The following NRXN3 variants were observed in gnomAD, a reference collection of about 807,000 sequenced individuals.
The protein encoded by NRXN3 is neurexin 3.
In NRXN3, 32 loss-of-function variants were observed where a neutral mutation model predicts 137.6. The ratio of observed to expected loss-of-function variants is 0.23; its 90% CI spans 0.18 to 0.31. The LOEUF (loss-of-function observed/expected upper bound fraction) is 0.31. NRXN3 is among the 10% of genes least tolerant of loss of function. The probability of loss-of-function intolerance (pLI) is 1.00; values close to 1 mark genes in which losing one functional copy is unlikely to be tolerated. For synonymous variants in NRXN3, 798 were observed against 784.5 expected (o/e 1.02, Z -0.29); for missense variants, 1,574 against 2,062.5 (o/e 0.76, Z 4.59).
At chr14:78,465,846 T>A (rs546672554) in intron 4 of NRXN3, among the ~76,000 whole-genome samples, 48 of 151,480 alleles carry the variant, frequency 3.2e-4, no homozygotes, top group Middle Eastern at 3.4e-3. Flanking sequence ...GGTATTTTTT[T>A]AAATTTTTAT....
chr14:79,434,738 G>A (rs2095816698), intron 15 of NRXN3, among the ~76,000 whole-genome samples: 1 of 152,204 alleles, frequency 6.6e-6, no homozygotes, highest in African/African-American at 2.4e-5. Flanking sequence ...ATGAAAGTGA[G>A]GGAAGCAGGC....
intron 16 of NRXN3, among the ~76,000 whole-genome samples, chr14:79,560,667 C>T (rs1455125935): frequency 6.6e-6 from 1 of 151,624 alleles, no homozygotes; most frequent in Non-Finnish European, 1.5e-5. Context: ...TGCACCTCCA[C>T]GCCTGGGATT....
chr14:78,578,149 A>T (rs1333643437), intron 4 of NRXN3, among the ~76,000 whole-genome samples: 1 of 152,188 alleles, frequency 6.6e-6, no homozygotes, highest in Non-Finnish European at 1.5e-5. Flanking sequence ...TTTATCTTTT[A>T]AATCACATTA....
chr14:79,462,608 T>C (rs2096362071), intron 15 of NRXN3, among the ~76,000 whole-genome samples: 1 of 149,584 alleles, frequency 6.7e-6, no homozygotes, highest in South Asian at 2.1e-4. Context: ...TAATTAGCTA[T>C]ATATATATAT....
intron 10 of NRXN3, among the ~76,000 whole-genome samples, chr14:78,834,931 TC>T (rs2098992174): frequency 6.6e-6 from 1 of 151,996 alleles, no homozygotes; most frequent in Admixed American, 6.6e-5. Flanking sequence ...TGCAGACTCT[TC>T]CCCTCCCCTT....
chr14:79,258,378 T>C (rs895525526), intron 15 of NRXN3, among the ~76,000 whole-genome samples: 13 of 151,960 alleles, frequency 8.6e-5, no homozygotes, highest in African/African-American at 2.9e-4. Context: ...CTAATTTTTT[T>C]GTTTTTGGTA....
At chr14:79,672,960 A>G (rs2098618273) in intron 17 of NRXN3, among the ~76,000 whole-genome samples, 1 of 152,102 alleles carries the variant, frequency 6.6e-6, no homozygotes, top group African/African-American at 2.4e-5. Flanking sequence ...AATAATAATA[A>G]TATATATTCA....
intron 8 of NRXN3, among the ~76,000 whole-genome samples, chr14:78,801,650 A>G (rs1487282830): frequency 1.3e-5 from 2 of 152,228 alleles, no homozygotes; most frequent in African/African-American, 4.8e-5. Flanking sequence ...GGGTGGGGAC[A>G]CAGAGCCAAA....
chr14:79,687,903 C>G (rs765646185), intron 17 of NRXN3, among the ~76,000 whole-genome samples: 1 of 152,052 alleles, frequency 6.6e-6, no homozygotes, highest in Non-Finnish European at 1.5e-5. Context: ...TGGAAATGGG[C>G]TTAGCTGAGT....
At chr14:78,231,721 GATA>G (rs1346444062) in intron 1 of NRXN3, 5 of 152,206 alleles carry the variant, frequency 3.3e-5, no homozygotes, top group African/African-American at 9.7e-5. Context: ...CCAAAATAGG[GATA>G]ATAATAGTTC....
chr14:78,193,406 T>C (rs2060924043), intron 1 of NRXN3, among the ~76,000 whole-genome samples: 2 of 152,096 alleles, frequency 1.3e-5, no homozygotes, highest in South Asian at 4.1e-4. Context: ...GAAAGGCTTT[T>C]AAAGAGTCAG....
At chr14:78,221,907 T>G (rs2063891499) in intron 1 of NRXN3, among the ~76,000 whole-genome samples, 1 of 152,156 alleles carries the variant, frequency 6.6e-6, no homozygotes, top group Admixed American at 6.5e-5. Context: ...ATTCAAGATA[T>G]GGGGAAATAG....
At chr14:78,658,597 T>C (rs967975519) in intron 6 of NRXN3, among the ~76,000 whole-genome samples, 1 of 152,208 alleles carries the variant, frequency 6.6e-6, no homozygotes, top group Admixed American at 6.5e-5. Flanking sequence ...CTAATGTTAA[T>C]TAGAAAATTA....
At chr14:79,290,922 C>A (rs1215370462) in intron 15 of NRXN3, among the ~76,000 whole-genome samples, 1 of 152,136 alleles carries the variant, frequency 6.6e-6, no homozygotes, top group Non-Finnish European at 1.5e-5. Flanking sequence ...TCGTCAGACT[C>A]TTTGGGTCCA....
intron 15 of NRXN3, among the ~76,000 whole-genome samples, chr14:79,060,250 G>T (rs2099672507): frequency 6.6e-6 from 1 of 152,228 alleles, no homozygotes; most frequent in African/African-American, 2.4e-5. Flanking sequence ...CTTAAGATAA[G>T]AGCGAGAGAT....
chr14:78,426,345 A>C (rs918780600), intron 4 of NRXN3, among the ~76,000 whole-genome samples: 1 of 152,152 alleles, frequency 6.6e-6, no homozygotes, highest in Non-Finnish European at 1.5e-5. Flanking sequence ...TAACACCTTG[A>C]CAGTAGGGAC....
intron 16 of NRXN3, among the ~76,000 whole-genome samples, chr14:79,631,526 G>A (rs540572386): frequency 5.9e-5 from 9 of 152,350 alleles, no homozygotes; most frequent in African/African-American, 1.4e-4. Flanking sequence ...CCGTGGCCCC[G>A]CACTGGGCGC....
At chr14:78,211,871 G>A (rs1448699756) in intron 1 of NRXN3, among the ~76,000 whole-genome samples, 1 of 152,210 alleles carries the variant, frequency 6.6e-6, no homozygotes, top group African/African-American at 2.4e-5. Flanking sequence ...TGTCTTCATG[G>A]TATAAGTGGT....
intron 15 of NRXN3, among the ~76,000 whole-genome samples, chr14:79,323,094 C>T (rs888083957): frequency 2.4e-4 from 36 of 152,294 alleles, no homozygotes; most frequent in African/African-American, 7.7e-4. Flanking sequence ...AGGGCAGTGG[C>T]GCAATCATAG....
Sources: gnomAD v4.1 joint callset for allele counts (sites outside exome capture counted in the v4.1 genomes callset) on GRCh38, gnomAD v4.1.1 for gene constraint, MANE v1.5 for transcripts, NCBI Gene and HGNC (gene_info 2026-07-23, HGNC 2026-07-21) for gene names.